The following TCTN3 variants were observed in gnomAD, a reference collection of about 807,000 sequenced individuals.
TCTN3 encodes tectonic-3.
Under a neutral mutation model 71.3 loss-of-function variants are expected in TCTN3, and 57 were observed. The ratio of observed to expected loss-of-function variants is 0.80; its 90% CI spans 0.65 to 1.00. The LOEUF (loss-of-function observed/expected upper bound fraction) is 1.00. Ranked by LOEUF, TCTN3 falls within the 50% of genes least tolerant of loss-of-function variation. TCTN3 has a pLI of 0.00. For missense variants in TCTN3, 696 were observed against 719.9 expected (o/e 0.97, Z 0.38); for synonymous variants, 258 against 267.8 (o/e 0.96, Z 0.36).
At chr10:95,677,483 G>GTTTTTTTTT (rs1223582407) in intron 13 of TCTN3, among the ~76,000 whole-genome samples, 20 of 61,974 alleles carry the variant, frequency 3.2e-4, no homozygotes, top group African/African-American at 8.6e-4. Flanking sequence ...AGTTTTTTTT[G>GTTTTTTTTT]TTTTTTTTTT....
chr10:95,687,102 C>CT lies in TCTN3; in HGVS notation c.793dup (p.Ser265LysfsTer15). ...ATTGAGGGCTGAATCCAAGGTACAG[C>CT]TACTAGCCAGGTTCTTGAAAAAACG... is the stretch of plus-strand genomic sequence containing the variant. On this transcript the variant is annotated frameshift_variant, in exon 6 of 14. Transcript: ENST00000371217. LOFTEE classifies it high-confidence loss of function. The CT allele has an allele frequency of 3.1e-6, 5 of 1,614,178 alleles. No homozygotes were observed. The highest frequency in any genetic ancestry group is 4.2e-6 in the Non-Finnish European group (5 of 1,180,010).
chr10:95,691,570 G>A (rs925510956), intron 3 of TCTN3, among the ~76,000 whole-genome samples: 6 of 152,296 alleles, frequency 3.9e-5, no homozygotes, highest in Admixed American at 3.9e-4. Context: ...CCAAAAACTG[G>A]TTGTTTTCTG....
At chr10:95,686,253 A>C (rs1393197861) in intron 7 of TCTN3, among the ~76,000 whole-genome samples, 1 of 152,190 alleles carries the variant, frequency 6.6e-6, no homozygotes, top group East Asian at 1.9e-4. Context: ...AGCCCACCCT[A>C]AATATAGTTT....
At chr10:95,665,876 C>T (rs1036515583) in intron 13 of TCTN3, among the ~76,000 whole-genome samples, 3 of 152,038 alleles carry the variant, frequency 2.0e-5, no homozygotes, top group Non-Finnish European at 4.4e-5. Flanking sequence ...CCTCAGCTTC[C>T]CAAAGTTTGT....
intron 13 of TCTN3, among the ~76,000 whole-genome samples, chr10:95,669,980 G>A (rs183888706): frequency 0.034 from 5,037 of 147,480 alleles, 116 homozygotes; most frequent in Non-Finnish European, 0.049. Context: ...GGAGAATGGC[G>A]TGAACCCCAG....
At chr10:95,685,707 C>A in intron 7 of TCTN3, 71 bp from the exon 8 acceptor site, 1 of 1,197,624 alleles carries the variant, frequency 8.3e-7, no homozygotes, top group Non-Finnish European at 1.2e-6. Flanking sequence ...TAATAGATAT[C>A]ATGCTAAGAT....
intron 3 of TCTN3, among the ~76,000 whole-genome samples, chr10:95,688,397 GAAAAAAAAAAAAAAA>G (rs60722894): frequency 9.6e-6 from 1 of 104,592 alleles, no homozygotes; most frequent in Non-Finnish European, 1.9e-5. Flanking sequence ...TCAAAAAAAA[GAAAAAAAAAAAAAAA>G]AAAAAAGAAA....
intron 6 of TCTN3, 131 bp downstream of exon 6, chr10:95,686,913 C>T: frequency 1.4e-6 from 1 of 724,952 alleles, no homozygotes; most frequent in Non-Finnish European, 2.3e-6. Flanking sequence ...GTTTCCAGGC[C>T]CTCTGTCTTT....
At chr10:95,679,235 C>T (rs2097940412) in intron 13 of TCTN3, among the ~76,000 whole-genome samples, 1 of 152,160 alleles carries the variant, frequency 6.6e-6, no homozygotes, top group African/African-American at 2.4e-5. Context: ...ACTTCAATGC[C>T]TAAAGGAACC....
At chr10:95,686,370 T>A in intron 7 of TCTN3, 125 bp downstream of exon 7, 2 of 988,102 alleles carry the variant, frequency 2.0e-6, no homozygotes, top group South Asian at 1.3e-5. Context: ...TTTAGATCCC[T>A]ACTTAATTGT....
At chr10:95,664,561 C>G (rs2097924171) in intron 13 of TCTN3, among the ~76,000 whole-genome samples, 1 of 152,218 alleles carries the variant, frequency 6.6e-6, no homozygotes, top group African/African-American at 2.4e-5. Flanking sequence ...TGGGGAGCTG[C>G]CTGATATCAG....
At chr10:95,677,489 T>TTTTTTTTTTTG (rs2097938515) in intron 13 of TCTN3, among the ~76,000 whole-genome samples, 1 of 130,878 alleles carries the variant, frequency 7.6e-6, no homozygotes, top group African/African-American at 2.7e-5. Context: ...TTTTGTTTTT[T>TTTTTTTTTTTG]TTTTTTTTTT....
chr10:95,684,723 A>AGTC lies in TCTN3; in HGVS notation c.970-100_970-99insGAC. 3 of 1,330,720 alleles carry AGTC rather than the reference A, an allele frequency of 2.3e-6. No individual in the cohort carries two copies. The South Asian group carries it at 4.3e-5, about 19-fold the overall frequency. 82.4% of individuals were successfully genotyped at this position (1,330,720 alleles called of 1,614,324 possible). A position where few individuals can be genotyped will look rare whatever the true frequency, so the allele number is the denominator to read the frequency against. ...TCTTCAAGGGTGTTATTATAACTAA[A>AGTC]TGAGGCAGACTGAAACAGTAATGTT... On this transcript the variant is annotated intron_variant, in intron 8 of 13. Transcript: ENST00000371217.
At chr10:95,692,893 G>T in intron 3 of TCTN3, 27 bp downstream of exon 3, 1 of 1,531,888 alleles carries the variant, frequency 6.5e-7, no homozygotes, top group Non-Finnish European at 9.0e-7. Context: ...GTTAGAAAAT[G>T]AGAACAACCA....
intron 13 of TCTN3, among the ~76,000 whole-genome samples, chr10:95,667,576 C>T (rs1242674219): frequency 6.6e-6 from 1 of 152,112 alleles, no homozygotes; most frequent in African/African-American, 2.4e-5. Flanking sequence ...CCTTCTCCCC[C>T]TCAACAAGAG....
chr10:95,684,390 T>C (rs2097946195), intron 9 of TCTN3, 109 bp downstream of exon 9: 2 of 1,400,558 alleles, frequency 1.4e-6, no homozygotes, highest in South Asian at 2.8e-5. Context: ...CAGACTGAAC[T>C]AGGCCTTCAT....
chr10:95,687,468 G>T, intron 4 of TCTN3, 113 bp from the exon 5 acceptor site: 1 of 1,513,838 alleles, frequency 6.6e-7, no homozygotes, highest in South Asian at 1.2e-5. Flanking sequence ...GGACAGTACT[G>T]CCCTCCAAAG....
intron 9 of TCTN3, 26 bp from the exon 10 acceptor site, chr10:95,683,655 A>G (rs762579165): frequency 1.1e-5 from 17 of 1,589,354 alleles, no homozygotes; most frequent in South Asian, 7.9e-5. Context: ...AGAGAAGTCA[A>G]TTATGGAGAT....
In TCTN3 at chr10:95,668,620, A is replaced by G. The variant is rs1334527232; in HGVS notation, c.1591-4320T>C. Among the ~76,000 whole-genome samples, 34 of 149,548 alleles carry G rather than the reference A, an allele frequency of 2.3e-4. No individual in the cohort carries two copies. In the Admixed American group the frequency reaches 2.3e-3, roughly 10 times the overall value. ...TATTTTCAGACAATGTGAACTAAAG[A>G]AAAAAAATACTTTACATGCATCTTC... On this transcript the variant is annotated intron_variant, in intron 13 of 13. Coordinates refer to ENST00000371217, the MANE Select transcript of TCTN3 (RefSeq NM_015631.6).
Sources: gnomAD v4.1 joint callset for allele counts (sites outside exome capture counted in the v4.1 genomes callset) on GRCh38, gnomAD v4.1.1 for gene constraint, MANE v1.5 for transcripts, NCBI Gene and HGNC (gene_info 2026-07-23, HGNC 2026-07-21) for gene names.